Variants in DNAAF9 observed in about 807,000 individuals in gnomAD.
DNAAF9 encodes the protein shulin.
Under a neutral mutation model 167.0 loss-of-function variants are expected in DNAAF9, and 90 were observed. The observed-to-expected ratio is 0.54, with a 90% CI of 0.45 to 0.64. The LOEUF (loss-of-function observed/expected upper bound fraction) is 0.64. Among genes scored for constraint, DNAAF9 ranks in the 30% least tolerant of loss-of-function variants. DNAAF9 has a pLI of 0.00. For missense variants in DNAAF9, 1,315 were observed against 1,442.2 expected (o/e 0.91, Z 1.43); for synonymous variants, 491 against 508.8 (o/e 0.96, Z 0.47).
At chr20:3,381,810 C>G (rs1347905832) in intron 2 of DNAAF9, among the ~76,000 whole-genome samples, 1 of 152,160 alleles carries the variant, frequency 6.6e-6, no homozygotes, top group Non-Finnish European at 1.5e-5. Flanking sequence ...GAAAAATCTT[C>G]ACCTTTCAAA....
chr20:3,280,786 AT>A (rs1188008256), intron 28 of DNAAF9, among the ~76,000 whole-genome samples: 9 of 150,082 alleles, frequency 6.0e-5, no homozygotes, highest in Admixed American at 5.3e-4. Flanking sequence ...TGGTTAATTT[AT>A]TTTTTTGGCA....
intron 1 of DNAAF9, among the ~76,000 whole-genome samples, chr20:3,400,832 C>G (rs1387408408): frequency 6.6e-6 from 1 of 152,118 alleles, no homozygotes; most frequent in Non-Finnish European, 1.5e-5. Context: ...TACTGTCATC[C>G]CAGATACAAG....
At chr20:3,326,957 T>C (rs2069722236) in intron 12 of DNAAF9, among the ~76,000 whole-genome samples, 3 of 152,230 alleles carry the variant, frequency 2.0e-5, no homozygotes, top group East Asian at 1.9e-4. Context: ...AGTGTTCTCA[T>C]ACCCACTTGC....
intron 1 of DNAAF9, among the ~76,000 whole-genome samples, chr20:3,388,790 T>A (rs1198007560): frequency 6.6e-6 from 1 of 152,010 alleles, no homozygotes; most frequent in African/African-American, 2.4e-5. Context: ...AGGTGCTGGA[T>A]GGGAGAGGGA....
chr20:3,274,529 T>G (rs2068646568), intron 29 of DNAAF9, among the ~76,000 whole-genome samples: 1 of 152,148 alleles, frequency 6.6e-6, no homozygotes, highest in South Asian at 2.1e-4. Flanking sequence ...TGAACCTGAG[T>G]TTGAATTTTG....
intron 7 of DNAAF9, among the ~76,000 whole-genome samples, chr20:3,349,426 T>C (rs929635768): frequency 6.6e-6 from 1 of 152,060 alleles, no homozygotes; most frequent in African/African-American, 2.4e-5. Context: ...CACCTTATTT[T>C]AGCAACCCTG....
At chr20:3,289,993 G>A in intron 26 of DNAAF9, 136 bp downstream of exon 26, 1 of 683,436 alleles carries the variant, frequency 1.5e-6, no homozygotes, top group Non-Finnish European at 2.7e-6. Flanking sequence ...GCTCAGAAGA[G>A]CATATTAAAT....
Position 3,318,269 on chromosome 20 carries a change from TA to T in DNAAF9, c.1468+19del. On this transcript the variant is annotated intron_variant, in intron 17 of 36. Coordinates refer to ENST00000252032, the MANE Select transcript of DNAAF9 (RefSeq NM_001009984.3). ...AAAAAAAGGCTTAAGGTTTGCTTTC[TA>T]AAGATCACATATACTTACCCTTTTC... 9.3e-7 allele frequency: 1 copy of T among 1,073,402 alleles called. No individual in the cohort carries two copies. Among genetic ancestry groups the T allele is most frequent in the Non-Finnish European group, 1.4e-6 (1 of 713,024 alleles). 66.5% of individuals were successfully genotyped at this position (1,073,402 alleles called of 1,614,324 possible). A position where few individuals can be genotyped will look rare whatever the true frequency, so the allele number is the denominator to read the frequency against.
intron 20 of DNAAF9, among the ~76,000 whole-genome samples, chr20:3,307,658 G>GA (rs2069324078): frequency 6.6e-6 from 1 of 152,060 alleles, no homozygotes; most frequent in African/African-American, 2.4e-5. Flanking sequence ...CCCAGGATAA[G>GA]AGGAAGTTTC....
In DNAAF9 at chr20:3,251,351, A is replaced by T. The variant is rs760377171; in HGVS notation, c.*1221T>A. On this transcript the variant is annotated 3_prime_UTR_variant, in exon 37 of 37. Transcript: ENST00000252032. Reference sequence around the variant, plus strand: ...TTCTTCCTAAGGCATGCAAAAAAAAATATGTGAAATTCAGAAAACATTTAC... The same window carrying T: ...TTCTTCCTAAGGCATGCAAAAAAAATTATGTGAAATTCAGAAAACATTTAC... The T allele has an allele frequency of 6.6e-6, 1 of 152,020 alleles. No individual in the cohort carries two copies. The highest frequency in any genetic ancestry group is 1.5e-5 in the Non-Finnish European group (1 of 67,990). 9.4% of individuals were successfully genotyped at this position (152,020 alleles called of 1,614,324 possible). A position where few individuals can be genotyped will look rare whatever the true frequency, so the allele number is the denominator to read the frequency against.
chr20:3,371,414 G>C (rs1163333814), intron 6 of DNAAF9, among the ~76,000 whole-genome samples: 1 of 138,168 alleles, frequency 7.2e-6, no homozygotes, highest in Non-Finnish European at 1.5e-5. Flanking sequence ...CGCTATCTCG[G>C]CTCACTGCAA....
chr20:3,295,173 CTTTT>C, intron 23 of DNAAF9, among the ~76,000 whole-genome samples: 1 of 143,760 alleles, frequency 7.0e-6, no homozygotes, highest in South Asian at 2.3e-4. Flanking sequence ...CCAGCTCCCA[CTTTT>C]TTTTTCTTTT....
At chr20:3,310,247 CAG>C (rs749194119) in intron 20 of DNAAF9, among the ~76,000 whole-genome samples, 62 of 117,840 alleles carry the variant, frequency 5.3e-4, no homozygotes, top group South Asian at 5.3e-4. Flanking sequence ...GAGAGAGAAA[CAG>C]AGAGAGAGAG....
chr20:3,387,856 C>T (rs2083767876), intron 1 of DNAAF9, among the ~76,000 whole-genome samples: 1 of 125,646 alleles, frequency 8.0e-6, no homozygotes, highest in Non-Finnish European at 1.6e-5. Context: ...GCCAGGGCAA[C>T]ACAGGGAGAC....
intron 36 of DNAAF9, 121 bp downstream of exon 36, chr20:3,253,605 G>A: frequency 1.4e-6 from 1 of 689,712 alleles, no homozygotes; most frequent in Non-Finnish European, 2.6e-6. Context: ...CAGTGGACAT[G>A]CAGAGTGCTC....
chr20:3,300,650 GC>G (rs1421721340), intron 21 of DNAAF9, among the ~76,000 whole-genome samples: 1 of 148,452 alleles, frequency 6.7e-6, no homozygotes, highest in Non-Finnish European at 1.5e-5. Flanking sequence ...GTGCACTCCA[GC>G]CTGGGTGACA....
At chr20:3,300,907 A>G (rs185853432) in intron 21 of DNAAF9, among the ~76,000 whole-genome samples, 1 of 150,796 alleles carries the variant, frequency 6.6e-6, no homozygotes, top group African/African-American at 2.4e-5. Flanking sequence ...AATGCAACTC[A>G]TTTTGAAAAA....
chr20:3,349,415 G>A (rs1199658172), intron 7 of DNAAF9, among the ~76,000 whole-genome samples: 1 of 151,974 alleles, frequency 6.6e-6, no homozygotes, highest in Non-Finnish European at 1.5e-5. Flanking sequence ...TGATCCTTAA[G>A]CACCTTATTT....
At chr20:3,283,242 G>C (rs575338376) in intron 27 of DNAAF9, among the ~76,000 whole-genome samples, 1 of 152,348 alleles carries the variant, frequency 6.6e-6, no homozygotes, top group South Asian at 2.1e-4. Flanking sequence ...GGTTTAGCCT[G>C]AGCCCTTTGG....
Sources: allele counts gnomAD v4.1 joint callset (sites outside exome capture counted in the v4.1 genomes callset), GRCh38; gene constraint gnomAD v4.1.1; transcripts MANE v1.5; gene names NCBI Gene and HGNC (gene_info 2026-07-23, HGNC 2026-07-21).